The following ANKRD30B variants were observed in gnomAD, a reference collection of about 807,000 sequenced individuals.
ANKRD30B encodes ankyrin repeat domain-containing protein 30B.
Under a neutral mutation model 202.2 loss-of-function variants are expected in ANKRD30B, and 144 were observed. The ratio of observed to expected loss-of-function variants is 0.71; its 90% CI spans 0.62 to 0.82. The LOEUF (loss-of-function observed/expected upper bound fraction) is 0.82, where lower values mean the gene tolerates loss of function less well. Ranked by LOEUF, ANKRD30B falls within the 40% of genes least tolerant of loss-of-function variation. The pLI is 0.00. For missense variants in ANKRD30B, 1,487 were observed against 1,669.1 expected (o/e 0.89, Z 1.90); for synonymous variants, 508 against 561.3 (o/e 0.91, Z 1.34).
chr18:14,768,282 G>C (rs749617641), intron 7 of ANKRD30B, among the ~76,000 whole-genome samples: 1 of 152,206 alleles, frequency 6.6e-6, no homozygotes, highest in African/African-American at 2.4e-5. Flanking sequence ...GGGCATGGAA[G>C]CTCCATGCCC....
chr18:14,848,889 A>T lies in ANKRD30B; in HGVS notation c.3355A>T (p.Asn1119Tyr). 3 of 1,599,512 alleles carry T rather than the reference A, an allele frequency of 1.9e-6. No homozygotes were observed. The highest frequency in any genetic ancestry group is 2.6e-6 in the Non-Finnish European group (3 of 1,174,640). The change falls in exon 40 of 44, where the codon AAC becomes TAC. Residue 1119 changes from asparagine (N) to tyrosine (Y), a missense_variant. Physicochemically the swap from Asn to Tyr is moderately radical, Grantham distance 143 (BLOSUM62 -2). Transcript: ENST00000690538. ...GAAAGAAATAAAATCACAGTTAGAG[A>T]ACCAAAAAGCTAAATGGGAACAAGA... ...EAKEIKSQLE[N>Y]QKAKWEQELC...
At chr18:14,753,397 G>A (rs1913787893) in intron 3 of ANKRD30B, among the ~76,000 whole-genome samples, 1 of 152,058 alleles carries the variant, frequency 6.6e-6, no homozygotes, top group Non-Finnish European at 1.5e-5. Context: ...ATTGCATCTG[G>A]TGTCTCTTGA....
At chr18:14,761,542 A>G (rs934983981) in intron 6 of ANKRD30B, among the ~76,000 whole-genome samples, 11 of 152,296 alleles carry the variant, frequency 7.2e-5, no homozygotes, top group South Asian at 2.1e-4. Flanking sequence ...ACTTTAGGCT[A>G]TTTACTCAAG....
chr18:14,784,909 T>C (rs917509704), intron 14 of ANKRD30B, among the ~76,000 whole-genome samples: 5 of 152,210 alleles, frequency 3.3e-5, no homozygotes, highest in African/African-American at 1.2e-4. Context: ...CTTTTACTGA[T>C]ATAACACTTG....
At chr18:14,938,952 G>A in the ANKRD30B span, among the ~76,000 whole-genome samples, 1 of 152,128 alleles carries the variant, frequency 6.6e-6, no homozygotes, top group Non-Finnish European at 1.5e-5. Context: ...GGAGACAGAG[G>A]GACCCCTCTA....
the ANKRD30B span, among the ~76,000 whole-genome samples, chr18:14,927,127 T>C: frequency 6.6e-6 from 1 of 152,292 alleles, no homozygotes; most frequent in East Asian, 1.9e-4. Flanking sequence ...AATTTAAAAA[T>C]TTATGTGCAT....
intron 8 of ANKRD30B, among the ~76,000 whole-genome samples, chr18:14,771,188 T>C (rs1567994379): frequency 6.6e-6 from 1 of 152,224 alleles, no homozygotes; most frequent in Non-Finnish European, 1.5e-5. Context: ...GAGTTTATCT[T>C]TTCAGTAGTC....
the ANKRD30B span, among the ~76,000 whole-genome samples, chr18:14,933,815 G>C: frequency 6.6e-6 from 1 of 152,176 alleles, no homozygotes; most frequent in African/African-American, 2.4e-5. Context: ...TTGCAACTAC[G>C]TCAAGTGCAG....
chr18:14,925,915 G>T, the ANKRD30B span, among the ~76,000 whole-genome samples: 15 of 152,298 alleles, frequency 9.8e-5, no homozygotes, highest in East Asian at 2.7e-3. Flanking sequence ...AGAAGCAGCT[G>T]CCACAGAGGG....
chr18:14,797,100 G>A (rs527975209), intron 18 of ANKRD30B, among the ~76,000 whole-genome samples: 2 of 152,126 alleles, frequency 1.3e-5, no homozygotes, highest in South Asian at 2.1e-4. Context: ...AGACAACTGG[G>A]TAGACCAGAA....
intron 7 of ANKRD30B, among the ~76,000 whole-genome samples, chr18:14,767,102 C>G (rs1314127725): frequency 6.6e-6 from 1 of 152,136 alleles, no homozygotes; most frequent in Non-Finnish European, 1.5e-5. Context: ...CTGGTAAGTA[C>G]ACATGCCAAT....
rs767583630 is a variant in ANKRD30B, at chr18:14,748,531, G to C, written c.112G>C (p.Asp38His). 1 of 1,553,422 alleles carries C rather than the reference G, an allele frequency of 6.4e-7. No individual in the cohort carries two copies. The highest frequency in any genetic ancestry group is 8.7e-7 in the Non-Finnish European group (1 of 1,147,840). ...GGACTACGGGACCATCTACTTCGGG[G>C]ATCTAGGGAAGATCCATACAGCTGC... ...EKDYGTIYFG[D>H]LGKIHTAASR... is the part of the protein sequence containing the mutation. The change falls in exon 1 of 44, where the codon GAT becomes CAT. Residue 38 changes from aspartate to histidine, a missense_variant. Physicochemically the swap from Asp to His is moderately conservative, Grantham distance 81. Around this residue, in one of 6 missense-constraint regions of ANKRD30B, gnomAD observed 889 missense variants for 841.4 expected, o/e 1.06. Coordinates refer to ENST00000690538, the MANE Select transcript of ANKRD30B (RefSeq NM_001367607.2).
chr18:14,924,358 G>A, the ANKRD30B span, among the ~76,000 whole-genome samples: 1 of 152,182 alleles, frequency 6.6e-6, no homozygotes, highest in African/African-American at 2.4e-5. Flanking sequence ...TAAACTTACT[G>A]TAGCTATATG....
intron 20 of ANKRD30B, 140 bp from the exon 21 acceptor site, chr18:14,798,961 C>G: frequency 2.1e-6 from 2 of 938,834 alleles, no homozygotes; most frequent in South Asian, 1.3e-5. Context: ...TACAATAACC[C>G]AAAAGACCCC....
the ANKRD30B span, among the ~76,000 whole-genome samples, chr18:14,931,234 C>T: frequency 1.3e-5 from 2 of 152,172 alleles, no homozygotes; most frequent in African/African-American, 4.8e-5. Context: ...ACTTTAGAGG[C>T]TCTTTAGTCC....
In ANKRD30B at chr18:14,754,998, T is replaced by C; in HGVS notation, c.610T>C (p.Ser204Pro). ...TGCAAATGCAAACGCATTTAATGAG[T>C]CTAAATGGTATGGTAGTTCTTTTTT... ...KNANANAFNE[S>P]KCTALMLAIC... is the part of the protein sequence containing the mutation. Residue 204 changes from serine to proline, a missense_variant, in exon 4 of 44, where the codon TCT becomes CCT. Around this residue, in one of 6 missense-constraint regions of ANKRD30B, gnomAD observed 889 missense variants for 841.4 expected, o/e 1.06. Transcript: ENST00000690538. 2 of 1,500,068 alleles carry C rather than the reference T, an allele frequency of 1.3e-6. No homozygotes were observed. Among genetic ancestry groups the C allele is most frequent in the Non-Finnish European group, 1.8e-6 (2 of 1,123,130 alleles). 92.9% of individuals were successfully genotyped at this position (1,500,068 alleles called of 1,614,324 possible). A position where few individuals can be genotyped will look rare whatever the true frequency, so the allele number is the denominator to read the frequency against.
chr18:14,782,293 T>G (rs1047744260), intron 11 of ANKRD30B, among the ~76,000 whole-genome samples: 3 of 152,210 alleles, frequency 2.0e-5, no homozygotes, highest in Admixed American at 6.5e-5. Context: ...ATATTATTTA[T>G]TTTTCATGCT....
chr18:14,843,811 C>T (rs1971523943), intron 39 of ANKRD30B, among the ~76,000 whole-genome samples: 1 of 152,092 alleles, frequency 6.6e-6, no homozygotes, highest in African/African-American at 2.4e-5. Context: ...AACAAACAAA[C>T]AGAAATAATA....
intron 10 of ANKRD30B, among the ~76,000 whole-genome samples, chr18:14,778,965 T>C (rs1224149240): frequency 6.6e-6 from 1 of 152,146 alleles, no homozygotes; most frequent in African/African-American, 2.4e-5. Flanking sequence ...AGATGTCAGA[T>C]ACTACCCCTA....
Sources: gnomAD v4.1 joint callset for allele counts (sites outside exome capture counted in the v4.1 genomes callset) on GRCh38, gnomAD v4.1.1 for gene constraint, gnomAD v4.1.1 regional missense constraint, MANE v1.5 for transcripts, NCBI Gene and HGNC (gene_info 2026-07-23, HGNC 2026-07-21) for gene names.